ARHGAP17: variants seen among roughly 807,000 people sequenced by gnomAD.
ARHGAP17 encodes rho GTPase-activating protein 17.
A neutral mutation model predicts 99.5 loss-of-function variants in ARHGAP17; 57 were observed. That is an observed-to-expected ratio of 0.57 (90% CI 0.46 to 0.71). The LOEUF (loss-of-function observed/expected upper bound fraction) is 0.71, where lower values mean the gene tolerates loss of function less well. Among genes scored for constraint, ARHGAP17 ranks in the 30% least tolerant of loss-of-function variants. The pLI is 0.00. For synonymous variants in ARHGAP17, 417 were observed against 429.6 expected (o/e 0.97, Z 0.36); for missense variants, 1,000 against 1,122.4 (o/e 0.89, Z 1.56).
chr16:24,926,415 G>A (rs896712151), intron 19 of ARHGAP17, among the ~76,000 whole-genome samples: 7 of 151,724 alleles, frequency 4.6e-5, no homozygotes, highest in African/African-American at 9.7e-5. Context: ...CACCCACCAC[G>A]ACACCCAGCT....
Position 24,994,264 on chromosome 16 carries a change from C to A in ARHGAP17, c.54-15259G>T, listed in dbSNP as rs987293561. Reference sequence around the variant, plus strand: ...GATGGATGAAAGGACACTGTAAATACCTTAAAACAGAAATCTGATTGCTTT... The same window carrying A: ...GATGGATGAAAGGACACTGTAAATAACTTAAAACAGAAATCTGATTGCTTT... On this transcript the variant is annotated intron_variant, in intron 1 of 19. Coordinates refer to ENST00000289968, the MANE Select transcript of ARHGAP17 (RefSeq NM_001006634.3). 2.0e-5 allele frequency among the ~76,000 whole-genome samples: 3 copies of A among 152,118 alleles called. No individual in the cohort carries two copies. The East Asian group carries it at 5.8e-4, about 29-fold the overall frequency.
Position 25,015,286 on chromosome 16 carries a change from CG to C in ARHGAP17, c.-26del. ...TGGCGGCGGTGGCGGCGGCGGCCCG[CG>C]GGGCTCGGGCCGGGCAGGGCGGGGG... On this transcript the variant is annotated 5_prime_UTR_variant, in exon 1 of 20. Coordinates refer to ENST00000289968, the MANE Select transcript of ARHGAP17 (RefSeq NM_001006634.3). The C allele has an allele frequency of 2.3e-6, 3 of 1,324,892 alleles. No homozygotes were observed. The highest frequency in any genetic ancestry group is 4.2e-5 in the South Asian group (2 of 47,764). 82.1% of individuals were successfully genotyped at this position (1,324,892 alleles called of 1,614,324 possible).
chr16:24,982,522 C>A (rs1387441600), intron 1 of ARHGAP17, among the ~76,000 whole-genome samples: 2 of 152,096 alleles, frequency 1.3e-5, no homozygotes, highest in East Asian at 3.8e-4. Context: ...GTATAATACA[C>A]AAACTGGAAT....
chr16:25,003,590 G>A (rs1413263203), intron 1 of ARHGAP17, among the ~76,000 whole-genome samples: 3 of 151,998 alleles, frequency 2.0e-5, no homozygotes, highest in Admixed American at 6.6e-5. Flanking sequence ...TTGGGAGGCC[G>A]AGGAGGGCTG....
chr16:24,999,205 T>C (rs2053289095), intron 1 of ARHGAP17, among the ~76,000 whole-genome samples: 1 of 152,228 alleles, frequency 6.6e-6, no homozygotes, highest in Non-Finnish European at 1.5e-5. Flanking sequence ...GTATTTCATC[T>C]GAGAAGTTTC....
chr16:24,964,311 G>A lies in ARHGAP17; in HGVS notation c.462-3C>T. 6 of 1,600,982 alleles carry A rather than the reference G, an allele frequency of 3.7e-6. No individual in the cohort carries two copies. The highest frequency in any genetic ancestry group is 5.1e-6 in the Non-Finnish European group (6 of 1,168,674). On this transcript the variant is annotated splice_polypyrimidine_tract_variant and splice_region_variant and intron_variant, in intron 6 of 19. Transcript: ENST00000289968. Reference sequence around the variant, plus strand: ...AGGATTTGTGAGCTTGGTTCCACCTGCAAAACAAAGGGGTCACCAGCATCT... The same window carrying A: ...AGGATTTGTGAGCTTGGTTCCACCTACAAAACAAAGGGGTCACCAGCATCT...
chr16:24,959,844 T>C, intron 8 of ARHGAP17, 67 bp downstream of exon 8: 1 of 1,604,354 alleles, frequency 6.2e-7, no homozygotes, highest in Non-Finnish European at 8.5e-7. Flanking sequence ...ATGAAATCTT[T>C]TGCAAAAAAG....
intron 7 of ARHGAP17, among the ~76,000 whole-genome samples, chr16:24,963,955 TCATCTTTAAATAAGCTTAGA>T (rs1368883111): frequency 6.6e-6 from 1 of 152,190 alleles, no homozygotes; most frequent in Non-Finnish European, 1.5e-5. Flanking sequence ...TTTTCTGACT[TCATCTTTAAATAAGCTTAGA>T]CATCTTGTCA....
chr16:24,953,779 C>T (rs1464451383), intron 10 of ARHGAP17, among the ~76,000 whole-genome samples: 2 of 152,180 alleles, frequency 1.3e-5, no homozygotes, highest in Non-Finnish European at 2.9e-5. Flanking sequence ...ACCTCCTCTT[C>T]TCAGTTGTGA....
chr16:24,949,314 A>T (rs2051564819), intron 13 of ARHGAP17, 90 bp downstream of exon 13: 1 of 987,474 alleles, frequency 1.0e-6, no homozygotes, highest in Non-Finnish European at 1.5e-6. Flanking sequence ...TTGTTTTTTA[A>T]TGTGCCAAGT....
chr16:25,008,771 T>C (rs1040372740), intron 1 of ARHGAP17, among the ~76,000 whole-genome samples: 2 of 152,218 alleles, frequency 1.3e-5, no homozygotes, highest in Non-Finnish European at 2.9e-5. Flanking sequence ...AATGAACATA[T>C]CCTTTTATGG....
At chr16:24,961,211 A>G (rs958089658) in intron 7 of ARHGAP17, among the ~76,000 whole-genome samples, 1 of 151,072 alleles carries the variant, frequency 6.6e-6, no homozygotes, top group African/African-American at 2.4e-5. Flanking sequence ...GTCTTGACAA[A>G]AAAACAAGAA....
chr16:24,999,148 A>G (rs150777799), intron 1 of ARHGAP17, among the ~76,000 whole-genome samples: 19 of 152,330 alleles, frequency 1.2e-4, no homozygotes, highest in Admixed American at 5.9e-4. Context: ...CATTTCTTCA[A>G]TGACTTCGAA....
In ARHGAP17 at chr16:24,959,726, A is replaced by G. The variant is rs758765282; in HGVS notation, c.669T>C (p.His223=). 37 of 1,614,030 alleles carry G rather than the reference A, an allele frequency of 2.3e-5. No homozygotes were observed. The highest frequency in any genetic ancestry group is 4.5e-5 in the East Asian group (2 of 44,894). ...VTLLEAQADY[H]RKALAVLEKT... is the part of the protein sequence containing the mutation. Reference sequence around the variant, plus strand: ...TTTCTAAGACTGCTAATGCTTTTCTATGGTAATCTGCTTGGGCTTCTAATA... The same window carrying G: ...TTTCTAAGACTGCTAATGCTTTTCTGTGGTAATCTGCTTGGGCTTCTAATA... The change falls in exon 9 of 20, where the codon CAT becomes CAC. Residue 223 remains histidine, a synonymous_variant. Coordinates refer to ENST00000289968, the MANE Select transcript of ARHGAP17 (RefSeq NM_001006634.3).
At chr16:25,012,903 A>G (rs1433095541) in intron 1 of ARHGAP17, among the ~76,000 whole-genome samples, 1 of 152,128 alleles carries the variant, frequency 6.6e-6, no homozygotes, top group Non-Finnish European at 1.5e-5. Flanking sequence ...ATGTTTTCCC[A>G]TACTCGGGCC....
rs756514694 is a variant in ARHGAP17 at position 24,970,492 on chromosome 16, G to C, written c.272+15C>G. 3 of 1,613,362 alleles carry C rather than the reference G, an allele frequency of 1.9e-6. No homozygotes were observed. Among genetic ancestry groups the C allele is most frequent in the African/African-American group, 1.3e-5 (1 of 74,910 alleles). ...TCTACATGGCACTTGGCACTCTGAAGGCAGCAACTCTTACCCCAGGAGAGA... is the reference window on the plus strand; with the variant it reads ...TCTACATGGCACTTGGCACTCTGAACGCAGCAACTCTTACCCCAGGAGAGA... On this transcript the variant is annotated intron_variant, in intron 4 of 19. Transcript: ENST00000289968.
At chr16:24,921,878 A>G (rs1435446850) in intron 19 of ARHGAP17, among the ~76,000 whole-genome samples, 2 of 152,368 alleles carry the variant, frequency 1.3e-5, no homozygotes, top group Non-Finnish European at 2.9e-5. Context: ...CTGTATGCAC[A>G]GAATAGGGGC....
At chr16:24,983,628 TG>T (rs1443458478) in intron 1 of ARHGAP17, among the ~76,000 whole-genome samples, 23 of 152,202 alleles carry the variant, frequency 1.5e-4, no homozygotes, top group Admixed American at 1.5e-3. Flanking sequence ...TTTTGCTCCA[TG>T]TTCCTAAACT....
intron 1 of ARHGAP17, among the ~76,000 whole-genome samples, chr16:24,980,939 A>G (rs2052656849): frequency 6.6e-6 from 1 of 152,152 alleles, no homozygotes; most frequent in African/African-American, 2.4e-5. Context: ...TAAAATTTTC[A>G]CAAGTTCAAA....
Sources: allele counts gnomAD v4.1 joint callset (sites outside exome capture counted in the v4.1 genomes callset), GRCh38; gene constraint gnomAD v4.1.1; transcripts MANE v1.5; gene names NCBI Gene and HGNC (gene_info 2026-07-23, HGNC 2026-07-21).